The following HSD17B10 variants were observed in gnomAD, a reference collection of about 807,000 sequenced individuals.
HSD17B10 encodes 3-hydroxyacyl-CoA dehydrogenase type-2.
For missense variants in HSD17B10, 87 were observed against 219.4 expected (o/e 0.40, Z 3.81); for synonymous variants, 90 against 85.9 (o/e 1.05, Z -0.26).
At position 53,433,647 on chromosome X, in the gene HSD17B10, G is replaced by T. The variant is rs1411879146; in HGVS notation, c.192+75C>A. The T allele has an allele frequency of 7.9e-6, 8 of 1,006,540 alleles. No homozygotes were observed. The African/African-American group carries it at 1.5e-4, about 19-fold the overall frequency. The allele number at this position is 1,006,540 out of a possible 1,213,427, so 83.0% of individuals were successfully genotyped here. A position where few individuals can be genotyped will look rare whatever the true frequency, so the allele number is the denominator to read the frequency against. On this transcript the variant is annotated intron_variant, in intron 2 of 5. Transcript: ENST00000168216. ...CCCATAGAGGAGACCCTTATGGGAG[G>T]GACCCCCACAGGTTCCCAGGCCGGT...
chrX:53,431,979 C>A lies in HSD17B10; in HGVS notation c.486+9G>T, dbSNP rs190913381. 2 of 1,211,529 alleles carry A rather than the reference C, an allele frequency of 1.7e-6. No individual in the cohort carries two copies. The highest frequency in any genetic ancestry group is 2.2e-6 in the Non-Finnish European group (2 of 895,325). ...TTAGGAGGCATAAGTCTTACCCCTG[C>A]CCACACACCTGACCCTCGAAGGCAG... On this transcript the variant is annotated intron_variant, in intron 4 of 5. Coordinates refer to ENST00000168216, the MANE Select transcript of HSD17B10 (RefSeq NM_004493.3).
intron 5 of HSD17B10, 40 bp from the exon 6 acceptor site, chrX:53,431,634 T>C: frequency 8.9e-7 from 1 of 1,122,271 alleles, no homozygotes; most frequent in South Asian, 1.9e-5. Flanking sequence ...ACCCTTGCTT[T>C]CATGATTACC....
rs1556894569 is a variant in HSD17B10 at position 53,431,921 on chromosome X, G to T, written c.487-15C>A. The T allele has an allele frequency of 8.3e-7, 1 of 1,208,856 alleles. No individual in the cohort carries two copies. The highest frequency in any genetic ancestry group is 2.2e-5 in the Admixed American group (1 of 46,005). ...GCTTGTCCAACCTGGAGAAAGAGTA[G>T]AAGTCATAGGTGGGAGGGCCCCAAC... is the stretch of plus-strand genomic sequence containing the variant. On this transcript the variant is annotated splice_polypyrimidine_tract_variant and intron_variant, in intron 4 of 5. Transcript: ENST00000168216.
In HSD17B10 at chrX:53,434,133, CAG is replaced by C. The variant is rs782326965; in HGVS notation, c.27+184_27+185del. Reference sequence around the variant, plus strand: ...GATGATTGATAGATAGATAGATAGACAGACAGACAGACAGACAGATGCGCCGC... The same window carrying C: ...GATGATTGATAGATAGATAGATAGACACAGACAGACAGACAGATGCGCCGC... On this transcript the variant is annotated intron_variant, in intron 1 of 5. Transcript: ENST00000168216. 1.0e-3 allele frequency: 545 copies of C among 538,778 alleles called. 6 individuals carry two copies. The South Asian group carries it at 0.013, about 13-fold the overall frequency. The allele number at this position is 538,778 out of a possible 1,213,427, so 44.4% of individuals were successfully genotyped here. A position where few individuals can be genotyped will look rare whatever the true frequency, so the allele number is the denominator to read the frequency against.
intron 5 of HSD17B10, 73 bp downstream of exon 5, chrX:53,431,725 G>A: frequency 9.7e-7 from 1 of 1,032,624 alleles, no homozygotes; most frequent in Non-Finnish European, 1.3e-6. Context: ...TTAGGTGGTG[G>A]ATACCTTCCC....
intron 5 of HSD17B10, 85 bp downstream of exon 5, chrX:53,431,713 G>T: frequency 9.8e-7 from 1 of 1,016,647 alleles, no homozygotes; most frequent in Non-Finnish European, 1.4e-6. Context: ...GGCTGCTGCT[G>T]CTTAGGTGGT....
At chrX:53,433,589 G>T in intron 2 of HSD17B10, 133 bp downstream of exon 2, 1 of 606,642 alleles carries the variant, frequency 1.6e-6, no homozygotes, top group Non-Finnish European at 2.7e-6. Context: ...TGAAGGCTCA[G>T]GCCAAAAGAG....
At chrX:53,434,095 C>CGATA (rs1278966924) in intron 1 of HSD17B10, 1 of 556,275 alleles carries the variant, frequency 1.8e-6, no homozygotes, top group African/African-American at 2.3e-5. Context: ...CGTCCCGTGA[C>CGATA]GATAGATAGA....
intron 1 of HSD17B10, chrX:53,434,096 G>GATAC (rs1310953907): frequency 1.8e-5 from 10 of 548,816 alleles, no homozygotes; most frequent in Non-Finnish European, 3.1e-5. Flanking sequence ...GTCCCGTGAC[G>GATAC]ATAGATAGAT....
chrX:53,434,373 G>A (rs1556895090), upstream of HSD17B10: 2 of 1,166,866 alleles, frequency 1.7e-6, no homozygotes, highest in African/African-American at 3.5e-5. Context: ...CACGGGATGG[G>A]GATGGGGGCG....
At chrX:53,432,955 C>T (rs1469287608) in intron 2 of HSD17B10, 1 of 152,364 alleles carries the variant, frequency 6.6e-6, no homozygotes, top group Non-Finnish European at 1.3e-5. Context: ...TCACATGCTC[C>T]TGAAGATTCT....
Position 53,431,293 on chromosome X carries a change from G to C in HSD17B10, c.*111C>G, listed in dbSNP as rs2075823635. 4 of 743,296 alleles carry C rather than the reference G, an allele frequency of 5.4e-6. No individual in the cohort carries two copies. The highest frequency in any genetic ancestry group is 6.2e-6 in the Non-Finnish European group (3 of 485,824). The allele number at this position is 743,296 out of a possible 1,213,427, so 61.3% of individuals were successfully genotyped here. Reference sequence around the variant, plus strand: ...AAAAGAGACTTTATTAGGCACAGAGGGCGACTGGTAGGCAGTTACAAAATG... The same window carrying C: ...AAAAGAGACTTTATTAGGCACAGAGCGCGACTGGTAGGCAGTTACAAAATG... On this transcript the variant is annotated 3_prime_UTR_variant, in exon 6 of 6. Coordinates refer to ENST00000168216, the MANE Select transcript of HSD17B10 (RefSeq NM_004493.3).
Position 53,431,822 on chromosome X carries a change from T to C in HSD17B10, c.571A>G (p.Ile191Val), listed in dbSNP as rs1470623673. 8.3e-7 allele frequency: 1 copy of C among 1,207,347 alleles called. No homozygotes were observed. The highest frequency in any genetic ancestry group is 3.0e-5 in the East Asian group (1 of 33,745). The change falls in exon 5 of 6, where the codon ATC becomes GTC. Residue 191 changes from isoleucine to valine, a missense_variant. By Grantham distance (29) the Ile-to-Val change is conservative. Coordinates refer to ENST00000168216, the MANE Select transcript of HSD17B10 (RefSeq NM_004493.3). ...PIARDLAPIGIRVMTIAPGLF... is the reference protein window; with the variant it reads ...PIARDLAPIGVRVMTIAPGLF... Reference sequence around the variant, plus strand: ...CCTGGGGCAATGGTCATCACCCGGATACCTATGGGAGCCAGATCCCGAGCA... The same window carrying C: ...CCTGGGGCAATGGTCATCACCCGGACACCTATGGGAGCCAGATCCCGAGCA...
At position 53,431,318 on chromosome X, in the gene HSD17B10, G is replaced by A; in HGVS notation, c.*86C>T. On this transcript the variant is annotated 3_prime_UTR_variant, in exon 6 of 6. Coordinates refer to ENST00000168216, the MANE Select transcript of HSD17B10 (RefSeq NM_004493.3). ...GGCGACTGGTAGGCAGTTACAAAAT[G>A]GCTACTGGGCTTCCTCCCAAGCTGG... The A allele has an allele frequency of 1.1e-6, 1 of 893,890 alleles. No individual in the cohort carries two copies. Among genetic ancestry groups the A allele is most frequent in the Non-Finnish European group, 1.6e-6 (1 of 616,308 alleles). 73.7% of individuals were successfully genotyped at this position (893,890 alleles called of 1,213,427 possible).
At chrX:53,432,160 A>C in intron 3 of HSD17B10, 44 bp from the exon 4 acceptor site, 1 of 1,210,755 alleles carries the variant, frequency 8.3e-7, no homozygotes, top group East Asian at 3.0e-5. Context: ...GAGGCAGAAG[A>C]AGCCTTTGTC....
At position 53,431,355 on chromosome X, in the gene HSD17B10, C is replaced by T; in HGVS notation, c.*49G>A. The T allele has an allele frequency of 8.9e-7, 1 of 1,128,474 alleles. No individual in the cohort carries two copies. The highest frequency in any genetic ancestry group is 3.0e-5 in the East Asian group (1 of 33,320). 93.0% of individuals were successfully genotyped at this position (1,128,474 alleles called of 1,213,427 possible). A position where few individuals can be genotyped will look rare whatever the true frequency, so the allele number is the denominator to read the frequency against. On this transcript the variant is annotated 3_prime_UTR_variant, in exon 6 of 6. Transcript: ENST00000168216. ...TCCTCCCAAGCTGGAGAGTAGTACC[C>T]CAGGGAAAGGAAGGGCAGAGGAGCG... is the stretch of plus-strand genomic sequence containing the variant.
chrX:53,432,561 A>C, intron 2 of HSD17B10, 150 bp from the exon 3 acceptor site: 2 of 541,984 alleles, frequency 3.7e-6, no homozygotes, highest in Non-Finnish European at 6.4e-6. Flanking sequence ...GTAAAACTTG[A>C]GAGATAGGCT....
In HSD17B10 at chrX:53,432,354, G is replaced by A; in HGVS notation, c.250C>T (p.Arg84Cys). Reference sequence around the variant, plus strand: ...GCACAGTTGACAGCTACATCCACACGGCCAAACTTTCCTTTTGCTAGAGCC... The same window carrying A: ...GCACAGTTGACAGCTACATCCACACAGCCAAACTTTCCTTTTGCTAGAGCC... ...ALALAKGKFG[R>C]VDVAVNCAGI... Residue 84 changes from arginine to cysteine, a missense_variant, in exon 3 of 6, where the codon CGT becomes TGT. Coordinates refer to ENST00000168216, the MANE Select transcript of HSD17B10 (RefSeq NM_004493.3). 8.3e-7 allele frequency: 1 copy of A among 1,209,794 alleles called. No individual in the cohort carries two copies. The highest frequency in any genetic ancestry group is 1.7e-5 in the African/African-American group (1 of 57,674).
rs2075837026 is a variant in HSD17B10, at chrX:53,434,349, G to C, written c.-4C>G. 1.7e-6 allele frequency: 2 copies of C among 1,168,291 alleles called. No individual in the cohort carries two copies. Among genetic ancestry groups the C allele is most frequent in the South Asian group, 3.8e-5 (2 of 52,786 alleles). On this transcript the variant is annotated 5_prime_UTR_variant, in exon 1 of 6. Transcript: ENST00000168216. The stretch of plus-strand genomic sequence containing the variant: ...CGCTCCGACACGCTGCTGCCATCTT[G>C]TCGCCGGCCACTCCACGGGATGGGG...
Sources: gnomAD v4.1 joint callset for allele counts on GRCh38, gnomAD v4.1.1 for gene constraint, MANE v1.5 for transcripts, NCBI Gene and HGNC (gene_info 2026-07-23, HGNC 2026-07-21) for gene names.